The following SCN7A variants were observed in gnomAD, a reference collection of about 807,000 sequenced individuals.
SCN7A encodes sodium channel protein type 7 subunit alpha.
SCN7A carries 138 observed loss-of-function variants against 155.2 expected under a neutral mutation model. The ratio of observed to expected loss-of-function variants is 0.89; its 90% CI spans 0.77 to 1.02. SCN7A has a LOEUF of 1.02. Among genes scored for constraint, SCN7A ranks in the 50% least tolerant of loss-of-function variants. The probability of loss-of-function intolerance (pLI) is 0.00; values close to 1 mark genes in which losing one functional copy is unlikely to be tolerated. For synonymous variants in SCN7A, 693 were observed against 649.0 expected (o/e 1.07, Z -1.03); for missense variants, 2,058 against 1,986.6 (o/e 1.04, Z -0.68).
At chr2:166,423,201 T>G (rs2105393849) in intron 19 of SCN7A, 58 bp downstream of exon 19, 5 of 1,516,848 alleles carry the variant, frequency 3.3e-6, no homozygotes, top group Middle Eastern at 1.7e-4. Context: ...AGTGAAAGAG[T>G]AAGAGTGAGG....
intron 11 of SCN7A, among the ~76,000 whole-genome samples, chr2:166,450,241 T>G (rs1382158548): frequency 6.6e-6 from 1 of 152,170 alleles, no homozygotes; most frequent in Non-Finnish European, 1.5e-5. Flanking sequence ...ACGTTCTCAC[T>G]TTTAAGTGAC....
chr2:166,470,929 A>T (rs868315408), intron 6 of SCN7A, among the ~76,000 whole-genome samples: 1 of 151,920 alleles, frequency 6.6e-6, no homozygotes, highest in Non-Finnish European at 1.5e-5. Context: ...GAGAGTTTAC[A>T]AAAGTTTGAC....
intron 23 of SCN7A, among the ~76,000 whole-genome samples, chr2:166,411,685 A>G (rs1035985749): frequency 6.6e-6 from 1 of 152,008 alleles, no homozygotes; most frequent in Admixed American, 6.6e-5. Flanking sequence ...AGTCATGGAA[A>G]AGGCATCTTA....
intron 2 of SCN7A, among the ~76,000 whole-genome samples, chr2:166,481,385 T>C (rs945967620): frequency 6.6e-6 from 1 of 152,124 alleles, no homozygotes; most frequent in African/African-American, 2.4e-5. Flanking sequence ...GTGATAAAAT[T>C]TGCTGTATTA....
chr2:166,456,320 G>A (rs1359081798), intron 11 of SCN7A, among the ~76,000 whole-genome samples: 4 of 151,906 alleles, frequency 2.6e-5, no homozygotes, highest in East Asian at 1.9e-4. Context: ...AAACCTGCAC[G>A]TTCTAGGCAT....
At chr2:166,455,712 AT>A (rs1326449197) in intron 11 of SCN7A, among the ~76,000 whole-genome samples, 3 of 152,186 alleles carry the variant, frequency 2.0e-5, no homozygotes, top group Non-Finnish European at 2.9e-5. Context: ...ATTTTGAGAT[AT>A]GTTCCATCAA....
intron 2 of SCN7A, among the ~76,000 whole-genome samples, chr2:166,483,711 ACT>A (rs1318356664): frequency 6.6e-6 from 1 of 151,926 alleles, no homozygotes; most frequent in Non-Finnish European, 1.5e-5. Context: ...ATGAAAAAAC[ACT>A]CAAACTTTTT....
At position 166,477,710 on chromosome 2, in the gene SCN7A, C is replaced by A. The variant is rs966430148; in HGVS notation, c.-14G>T. The A allele has an allele frequency of 1.3e-6, 2 of 1,521,574 alleles. No individual in the cohort carries two copies. The highest frequency in any genetic ancestry group is 1.8e-6 in the Non-Finnish European group (2 of 1,138,526). The allele number at this position is 1,521,574 out of a possible 1,614,324, so 94.3% of individuals were successfully genotyped here. A position where few individuals can be genotyped will look rare whatever the true frequency, so the allele number is the denominator to read the frequency against. On this transcript the variant is annotated splice_region_variant and 5_prime_UTR_variant, in exon 3 of 26. Transcript: ENST00000643258. ...TGAAGCCAACATTTCCAATTTTGTACCTGCAAAAAATTCTGTATTAAAGTT... is the reference window on the plus strand; with the variant it reads ...TGAAGCCAACATTTCCAATTTTGTAACTGCAAAAAATTCTGTATTAAAGTT...
intron 1 of SCN7A, among the ~76,000 whole-genome samples, chr2:166,488,116 T>C (rs1353140618): frequency 1.3e-5 from 2 of 152,236 alleles, no homozygotes; most frequent in South Asian, 2.1e-4. Context: ...GTAGGACTCA[T>C]ACCTGCTGAT....
At position 166,470,768 on chromosome 2, in the gene SCN7A, T is replaced by C. The variant is rs530448341; in HGVS notation, c.573-62A>G. ...TACATCTGTGCTACTTATTCTTGGC[T>C]TTTTATGGTTATTGAAACTTATTTT... On this transcript the variant is annotated intron_variant, in intron 6 of 25. Transcript: ENST00000643258. The C allele has an allele frequency of 3.5e-6, 5 of 1,410,068 alleles. No homozygotes were observed. The East Asian group carries it at 7.5e-5, about 21-fold the overall frequency. 87.3% of individuals were successfully genotyped at this position (1,410,068 alleles called of 1,614,324 possible). A position where few individuals can be genotyped will look rare whatever the true frequency, so the allele number is the denominator to read the frequency against.
chr2:166,470,124 G>A (rs996429964), intron 7 of SCN7A, among the ~76,000 whole-genome samples: 1 of 151,736 alleles, frequency 6.6e-6, no homozygotes, highest in Non-Finnish European at 1.5e-5. Flanking sequence ...CCATCAATGT[G>A]ATAAAGTCAC....
chr2:166,479,857 C>T (rs538318965), intron 2 of SCN7A, among the ~76,000 whole-genome samples: 2 of 152,016 alleles, frequency 1.3e-5, no homozygotes, highest in African/African-American at 4.8e-5. Context: ...AGATAGGGTA[C>T]AAGGAAATTT....
At chr2:166,483,400 T>G (rs1702974902) in intron 2 of SCN7A, among the ~76,000 whole-genome samples, 1 of 151,972 alleles carries the variant, frequency 6.6e-6, no homozygotes, top group Non-Finnish European at 1.5e-5. Flanking sequence ...GTGGGGTTTG[T>G]GTATGTTTGT....
intron 10 of SCN7A, among the ~76,000 whole-genome samples, chr2:166,459,961 T>C (rs928914974): frequency 6.6e-6 from 1 of 152,062 alleles, no homozygotes; most frequent in Non-Finnish European, 1.5e-5. Context: ...GAACATCACG[T>C]ACCAGGGGGC....
In SCN7A at chr2:166,443,522, A is replaced by C. The variant is rs763023712; in HGVS notation, c.1781T>G (p.Leu594Arg). 1 of 1,594,816 alleles carries C rather than the reference A, an allele frequency of 6.3e-7. No individual in the cohort carries two copies. The highest frequency in any genetic ancestry group is 8.5e-7 in the Non-Finnish European group (1 of 1,171,204). The change falls in exon 14 of 26, where the codon CTT becomes CGT. Residue 594 changes from leucine (L) to arginine (R), a missense_variant. By Grantham distance (102) the Leu-to-Arg change is moderately radical. Transcript: ENST00000643258. ...ACTTACCATCCTGAATAATCGAAGA[A>C]GAGCCATTCCTGCAACATTTGCTAG... ...LCLANVAGMALLRLFRMLRIF... is the reference protein window; with the variant it reads ...LCLANVAGMARLRLFRMLRIF...
intron 25 of SCN7A, among the ~76,000 whole-genome samples, chr2:166,407,114 A>G (rs34915827): frequency 0.076 from 11,505 of 152,144 alleles, 527 homozygotes; most frequent in Middle Eastern, 0.13. Context: ...AGACATTTAA[A>G]ATAATTATAA....
intron 19 of SCN7A, among the ~76,000 whole-genome samples, 154 bp downstream of exon 19, chr2:166,423,105 A>G (rs1340701272): frequency 1.3e-5 from 2 of 152,090 alleles, no homozygotes; most frequent in Non-Finnish European, 2.9e-5. Context: ...AAAATGATAG[A>G]TGTTAAATAT....
intron 9 of SCN7A, among the ~76,000 whole-genome samples, chr2:166,462,775 A>AT (rs917488067): frequency 4.6e-5 from 7 of 152,006 alleles, no homozygotes; most frequent in East Asian, 1.9e-4. Context: ...TTGCCAAGCT[A>AT]TTTTTTTTGT....
In SCN7A at chr2:166,429,326, A is replaced by T. The variant is rs991069168; in HGVS notation, c.2593-52T>A. The T allele has an allele frequency of 2.5e-5, 27 of 1,075,252 alleles. 1 individual carries two copies. In the African/African-American group the frequency reaches 4.4e-4, roughly 17 times the overall value. 66.6% of individuals were successfully genotyped at this position (1,075,252 alleles called of 1,614,324 possible). A position where few individuals can be genotyped will look rare whatever the true frequency, so the allele number is the denominator to read the frequency against. ...GTTGTGATTAAAGTTTCATTTACCC[A>T]TGGTGGCCAAAGTTTATTTCATTTT... On this transcript the variant is annotated intron_variant, in intron 16 of 25. Coordinates refer to ENST00000643258, the MANE Select transcript of SCN7A (RefSeq NM_002976.4).
Sources: gnomAD v4.1 joint callset for allele counts (sites outside exome capture counted in the v4.1 genomes callset) on GRCh38, gnomAD v4.1.1 for gene constraint, MANE v1.5 for transcripts, NCBI Gene and HGNC (gene_info 2026-07-23, HGNC 2026-07-21) for gene names.